Variants in SLC25A16 observed in about 807,000 individuals in gnomAD.
SLC25A16 encodes the protein solute carrier family 25 member 16, also known as mitochondrial coenzyme A transporter SLC25A16.
A neutral mutation model predicts 41.5 loss-of-function variants in SLC25A16; 39 were observed. The observed-to-expected ratio is 0.94, with a 90% CI of 0.73 to 1.23. The LOEUF is 1.23. SLC25A16 is among the 50% of genes most tolerant of loss of function. SLC25A16 has a pLI of 0.00. For synonymous variants in SLC25A16, 146 were observed against 147.8 expected, an observed-to-expected ratio of 0.99 and a Z score of 0.09; for missense variants, 421 against 426.9, an observed-to-expected ratio of 0.99 and a Z score of 0.12.
chr10:68,509,616 T>C (rs937776300), intron 2 of SLC25A16, among the ~76,000 whole-genome samples: 16 of 148,884 alleles, frequency 1.1e-4, no homozygotes, highest in Admixed American at 8.8e-4. Flanking sequence ...GGCAGGAAGA[T>C]TGCTTGGGCC....
chr10:68,510,274 G>C (rs888924534), intron 2 of SLC25A16, among the ~76,000 whole-genome samples: 1 of 151,684 alleles, frequency 6.6e-6, no homozygotes, highest in Non-Finnish European at 1.5e-5. Context: ...GCTGACGCCT[G>C]TAATCCCAGC....
At chr10:68,491,814 C>CTTGATTGA (rs202157914) in intron 6 of SLC25A16, among the ~76,000 whole-genome samples, 15 of 152,034 alleles carry the variant, frequency 9.9e-5, no homozygotes, top group African/African-American at 2.9e-4. Context: ...TGCTTGCTTG[C>CTTGATTGA]TTGATTGATT....
intron 2 of SLC25A16, among the ~76,000 whole-genome samples, chr10:68,510,134 C>T (rs1178383119): frequency 6.6e-6 from 1 of 151,934 alleles, no homozygotes; most frequent in African/African-American, 2.4e-5. Context: ...GTCTTTGATG[C>T]CTTGGAAGTA....
At chr10:68,500,033 C>A in intron 4 of SLC25A16, 1 of 315,702 alleles carries the variant, frequency 3.2e-6, no homozygotes, top group South Asian at 4.0e-5. Context: ...AAACCTTGAT[C>A]TCAATCTTTA....
chr10:68,494,652 A>AGGTG (rs2052719846), intron 4 of SLC25A16, among the ~76,000 whole-genome samples: 1 of 148,590 alleles, frequency 6.7e-6, no homozygotes. Flanking sequence ...TGAGGTGGAC[A>AGGTG]GATCACCTGA....
rs1156948855 is a variant in SLC25A16 at position 68,479,574 on chromosome 10, G to GGA, written c.*3857_*3858insTC. The GGA allele has an allele frequency of 7.7e-5, 11 of 143,770 alleles. No homozygotes were observed. Among genetic ancestry groups the GGA allele is most frequent in the African/African-American group, 3.3e-4 (11 of 33,472 alleles). The allele number at this position is 143,770 out of a possible 1,614,324, so 8.9% of individuals were successfully genotyped here. A position where few individuals can be genotyped will look rare whatever the true frequency, so the allele number is the denominator to read the frequency against. ...TAGTCCCAGCATTTTGGGAAGTCGG[G>GGA]GGGGCAGATCACTTGAGGTCAGGTA... is the stretch of plus-strand genomic sequence containing the variant. On this transcript the variant is annotated 3_prime_UTR_variant, in exon 9 of 9. Transcript: ENST00000609923.
chr10:68,526,085 C>A (rs1203228762), intron 1 of SLC25A16, among the ~76,000 whole-genome samples: 2 of 151,886 alleles, frequency 1.3e-5, no homozygotes, highest in Non-Finnish European at 2.9e-5. Flanking sequence ...GCCCGACACC[C>A]GTAAAGGGTC....
At chr10:68,521,695 G>C (rs1007348867) in intron 1 of SLC25A16, among the ~76,000 whole-genome samples, 1 of 145,812 alleles carries the variant, frequency 6.9e-6, no homozygotes. Flanking sequence ...CCGGGTTCAC[G>C]CCATTCTCCT....
At chr10:68,521,632 C>T (rs1355008884) in intron 1 of SLC25A16, among the ~76,000 whole-genome samples, 6 of 138,064 alleles carry the variant, frequency 4.3e-5, no homozygotes, top group East Asian at 2.2e-4. Flanking sequence ...CTCGCTCTGT[C>T]GCCCAGGCTG....
intron 2 of SLC25A16, among the ~76,000 whole-genome samples, chr10:68,512,084 T>C (rs907214217): frequency 4.6e-5 from 7 of 152,234 alleles, no homozygotes; most frequent in Admixed American, 4.6e-4. Flanking sequence ...ACACGTTTAA[T>C]TTTGATTCTT....
intron 1 of SLC25A16, among the ~76,000 whole-genome samples, chr10:68,520,971 T>C (rs1447208774): frequency 6.7e-6 from 1 of 150,336 alleles, no homozygotes; most frequent in Non-Finnish European, 1.5e-5. Flanking sequence ...CCGTCTCCAC[T>C]AAAACTACAA....
Position 68,488,571 on chromosome 10 carries a change from G to A in SLC25A16, c.669C>T (p.Thr223=). 1 of 1,610,778 alleles carries A rather than the reference G, an allele frequency of 6.2e-7. No homozygotes were observed. The highest frequency in any genetic ancestry group is 8.5e-7 in the Non-Finnish European group (1 of 1,179,242). The change falls in exon 7 of 9, where the codon ACC becomes ACT. Residue 223 remains threonine (T), a synonymous_variant. Transcript: ENST00000609923. Reference sequence around the variant, plus strand: ...TGTCTGATGAAGGTCTGCCAAGAAGGGTAGGAGCATGGGAAAGCCCAACAC... The same window carrying A: ...TGTCTGATGAAGGTCTGCCAAGAAGAGTAGGAGCATGGGAAAGCCCAACAC... ...LKSVGLSHAP[T]LLGRPSSDNP... is the part of the protein sequence containing the mutation.
rs182714089 is a variant in SLC25A16, at chr10:68,488,657, G to T, written c.611-28C>A. The T allele has an allele frequency of 4.9e-4, 774 of 1,572,684 alleles. 3 individuals carry two copies. The African/African-American group carries it at 9.3e-3, about 19-fold the overall frequency. On this transcript the variant is annotated intron_variant, in intron 6 of 8. Transcript: ENST00000609923. ...GAAAAACAAAAAATAAATTCACCATGATGCTTAACATAACATGAGCTGTGA... is the reference window on the plus strand; with the variant it reads ...GAAAAACAAAAAATAAATTCACCATTATGCTTAACATAACATGAGCTGTGA...
At chr10:68,515,278 A>G (rs1401801771) in intron 2 of SLC25A16, among the ~76,000 whole-genome samples, 2 of 149,658 alleles carry the variant, frequency 1.3e-5, no homozygotes, top group Non-Finnish European at 3.0e-5. Flanking sequence ...AATCACTTGA[A>G]CCCAGGAGGT....
At position 68,481,926 on chromosome 10, in the gene SLC25A16, T is replaced by A. The variant is rs1488221810; in HGVS notation, c.*1506A>T. 6.6e-6 allele frequency: 1 copy of A among 152,182 alleles called. No homozygotes were observed. The highest frequency in any genetic ancestry group is 2.4e-5 in the African/African-American group (1 of 41,446). The allele number at this position is 152,182 out of a possible 1,614,324, so 9.4% of individuals were successfully genotyped here. A position where few individuals can be genotyped will look rare whatever the true frequency, so the allele number is the denominator to read the frequency against. ...GCCTTCTAATGTCTTTAAAGTCACA[T>A]CAAAGGGCCGGGCGCCGTGGCTCAC... On this transcript the variant is annotated 3_prime_UTR_variant, in exon 9 of 9. Transcript: ENST00000609923.
At chr10:68,515,155 G>A (rs555014687) in intron 2 of SLC25A16, among the ~76,000 whole-genome samples, 8 of 150,080 alleles carry the variant, frequency 5.3e-5, no homozygotes, top group South Asian at 2.1e-4. Context: ...TCGGGAGTTC[G>A]AGATCATTCT....
At chr10:68,525,095 A>AC (rs2053315647) in intron 1 of SLC25A16, among the ~76,000 whole-genome samples, 1 of 151,970 alleles carries the variant, frequency 6.6e-6, no homozygotes. Flanking sequence ...CAGTCTTCAG[A>AC]TATTATCTTT....
At chr10:68,494,605 G>T (rs748338367) in intron 4 of SLC25A16, among the ~76,000 whole-genome samples, 2 of 149,704 alleles carry the variant, frequency 1.3e-5, no homozygotes, top group Middle Eastern at 7.0e-3. Context: ...TGGGAGCTAG[G>T]CATGCTCACG....
chr10:68,527,356 G>A lies in SLC25A16; in HGVS notation c.20C>T (p.Ala7Val). The A allele has an allele frequency of 6.6e-7, 1 of 1,506,854 alleles. No individual in the cohort carries two copies. The highest frequency in any genetic ancestry group is 8.8e-7 in the Non-Finnish European group (1 of 1,132,586). 93.3% of individuals were successfully genotyped at this position (1,506,854 alleles called of 1,614,324 possible). Reference protein sequence around the residue: MAAATAAAALAAADPPP... With the variant: MAAATAVAALAAADPPP... Reference sequence around the variant, plus strand: ...GGGATCGGCCGCCGCCAGGGCTGCCGCGGCCGTCGCCGCCGCCATCAGGAC... The same window carrying A: ...GGGATCGGCCGCCGCCAGGGCTGCCACGGCCGTCGCCGCCGCCATCAGGAC... The change falls in exon 1 of 9, where the codon GCG (alanine) becomes GTG (valine). Residue 7 changes from alanine (A) to valine (V), a missense_variant. Transcript: ENST00000609923.
Sources: gnomAD v4.1 joint callset for allele counts (sites outside exome capture counted in the v4.1 genomes callset) on GRCh38, gnomAD v4.1.1 for gene constraint, MANE v1.5 for transcripts, NCBI Gene and HGNC (gene_info 2026-07-23, HGNC 2026-07-21) for gene names.